The following TEX29 variants were observed in gnomAD, a reference collection of about 807,000 sequenced individuals.
The protein encoded by TEX29 is testis-expressed protein 29.
Under a neutral mutation model 18.2 loss-of-function variants are expected in TEX29, and 26 were observed. That is an observed-to-expected ratio of 1.43 (90% CI 1.04 to 1.98). The LOEUF is 1.98. TEX29 is among the 30% of genes most tolerant of loss of function. TEX29 has a pLI of 0.00. For missense variants in TEX29, 177 were observed against 194.2 expected (o/e 0.91, Z 0.53); for synonymous variants, 83 against 78.5 (o/e 1.06, Z -0.31).
chr13:111,318,011 T>A (rs570370259), upstream of TEX29, among the ~76,000 whole-genome samples: 7 of 152,286 alleles, frequency 4.6e-5, no homozygotes, highest in African/African-American at 1.4e-4. Context: ...AAATAAGCCC[T>A]CATCCTTAGG....
chr13:111,324,235 G>A (rs1201965271), intron 2 of TEX29, among the ~76,000 whole-genome samples: 1 of 152,164 alleles, frequency 6.6e-6, no homozygotes, highest in African/African-American at 2.4e-5. Flanking sequence ...GTCTGTGGTT[G>A]GGTCTTGCTG....
At chr13:111,317,070 G>A (rs929942749), upstream of TEX29, among the ~76,000 whole-genome samples, 1 of 152,172 alleles carries the variant, frequency 6.6e-6, no homozygotes, top group African/African-American at 2.4e-5. Flanking sequence ...AATTCGAGAT[G>A]AGATTTGGGT....
chr13:111,331,510 C>T (rs1470161853), intron 3 of TEX29, among the ~76,000 whole-genome samples: 2 of 151,910 alleles, frequency 1.3e-5, no homozygotes, highest in Admixed American at 6.6e-5. Flanking sequence ...TCTTACATGT[C>T]TTTTCTTTTT....
At chr13:111,326,206 C>T (rs201996375) in intron 2 of TEX29, among the ~76,000 whole-genome samples, 27 of 151,138 alleles carry the variant, frequency 1.8e-4, no homozygotes, top group African/African-American at 4.6e-4. Flanking sequence ...GAGGAGACTG[C>T]GGGCAGTGTG....
chr13:111,323,989 TC>T (rs1161411378), intron 2 of TEX29, among the ~76,000 whole-genome samples: 2 of 152,226 alleles, frequency 1.3e-5, no homozygotes, highest in Non-Finnish European at 2.9e-5. Flanking sequence ...GTCTCCAGGT[TC>T]AGAGATTTTT....
chr13:111,333,678 T>C (rs1275330758), intron 3 of TEX29, among the ~76,000 whole-genome samples: 1 of 152,254 alleles, frequency 6.6e-6, no homozygotes, highest in Non-Finnish European at 1.5e-5. Flanking sequence ...GAGGTTTAAT[T>C]GACTCACAGT....
chr13:111,317,684 A>G (rs558370108), upstream of TEX29, among the ~76,000 whole-genome samples: 55 of 152,346 alleles, frequency 3.6e-4, no homozygotes, highest in African/African-American at 1.3e-3. Flanking sequence ...CATGGCGCCA[A>G]CAGCAGAGCT....
At chr13:111,320,379 G>A (rs12100233), upstream of TEX29, among the ~76,000 whole-genome samples, 2 of 152,232 alleles carry the variant, frequency 1.3e-5, no homozygotes, top group African/African-American at 4.8e-5. Flanking sequence ...TCAAGCACCT[G>A]TGCCCACAGG....
At chr13:111,319,201 C>T (rs533506111), upstream of TEX29, among the ~76,000 whole-genome samples, 7 of 152,238 alleles carry the variant, frequency 4.6e-5, no homozygotes, top group East Asian at 3.9e-4. Context: ...GCGTGTGACC[C>T]GGCAATTCCA....
upstream of TEX29, among the ~76,000 whole-genome samples, chr13:111,319,506 A>G (rs181676137): frequency 6.6e-4 from 100 of 152,298 alleles, no homozygotes; most frequent in Middle Eastern, 3.4e-3. Flanking sequence ...CGTGTCCCCT[A>G]GATGCCTCCT....
At chr13:111,321,743 C>T (rs190344661) in intron 2 of TEX29, among the ~76,000 whole-genome samples, 2 of 152,070 alleles carry the variant, frequency 1.3e-5, no homozygotes, top group Non-Finnish European at 2.9e-5. Flanking sequence ...GCCAACATGG[C>T]GAAACCCCAT....
Position 111,320,713 on chromosome 13 carries a change from A to G in TEX29, c.-84A>G. The stretch of plus-strand genomic sequence containing the variant: ...AAAGGTGTTTTCCACGTGGAGTGGG[A>G]CTGAGAGGCACAGGTGGCTGAGGGG... On this transcript the variant is annotated 5_prime_UTR_variant, in exon 1 of 6. Coordinates refer to ENST00000283547, the MANE Select transcript of TEX29 (RefSeq NM_152324.3). 2.8e-6 allele frequency: 2 copies of G among 720,574 alleles called. No individual in the cohort carries two copies. Among genetic ancestry groups the G allele is most frequent in the African/African-American group, 1.7e-5 (1 of 57,146 alleles). 44.6% of individuals were successfully genotyped at this position (720,574 alleles called of 1,614,324 possible). A position where few individuals can be genotyped will look rare whatever the true frequency, so the allele number is the denominator to read the frequency against.
At chr13:111,319,050 T>C (rs1567155765), upstream of TEX29, among the ~76,000 whole-genome samples, 1 of 152,114 alleles carries the variant, frequency 6.6e-6, no homozygotes, top group Non-Finnish European at 1.5e-5. Context: ...GCCTCTTTAA[T>C]GGGGGCACGA....
chr13:111,317,733 G>T (rs2093656948), upstream of TEX29, among the ~76,000 whole-genome samples: 1 of 152,204 alleles, frequency 6.6e-6, no homozygotes, highest in African/African-American at 2.4e-5. Context: ...CTGAAGTCAG[G>T]ACGTGGGCCG....
intron 5 of TEX29, among the ~76,000 whole-genome samples, chr13:111,343,357 G>T (rs1352060797): frequency 1.3e-5 from 2 of 151,574 alleles, no homozygotes; most frequent in African/African-American, 2.4e-5. Flanking sequence ...GTTGTGCAGG[G>T]AGGCTGCCAG....
chr13:111,328,319 T>C (rs1273198021), intron 3 of TEX29, 26 bp downstream of exon 3: 4 of 1,543,018 alleles, frequency 2.6e-6, no homozygotes, highest in Non-Finnish European at 3.6e-6. Flanking sequence ...GGCCACCCCG[T>C]GGCGGAAGCC....
At chr13:111,325,226 C>A (rs538827055) in intron 2 of TEX29, among the ~76,000 whole-genome samples, 1 of 152,374 alleles carries the variant, frequency 6.6e-6, no homozygotes, top group South Asian at 2.1e-4. Context: ...CCCCGTTCCC[C>A]TAGCCTGGCC....
chr13:111,328,868 C>T (rs74126339), intron 3 of TEX29, among the ~76,000 whole-genome samples: 3 of 152,136 alleles, frequency 2.0e-5, no homozygotes, highest in East Asian at 1.9e-4. Flanking sequence ...GTAAGGGCGC[C>T]GGAGGCGTTG....
At chr13:111,339,140 C>T (rs2093693609) in intron 3 of TEX29, among the ~76,000 whole-genome samples, 1 of 152,232 alleles carries the variant, frequency 6.6e-6, no homozygotes, top group Admixed American at 6.5e-5. Flanking sequence ...GGTGGCGGGG[C>T]TGCCCCTCGT....
Sources: gnomAD v4.1 joint callset for allele counts (sites outside exome capture counted in the v4.1 genomes callset) on GRCh38, gnomAD v4.1.1 for gene constraint, MANE v1.5 for transcripts, NCBI Gene and HGNC (gene_info 2026-07-23, HGNC 2026-07-21) for gene names.